Variants in MAPKAP1 observed in about 807,000 individuals in gnomAD.
The protein encoded by MAPKAP1 is target of rapamycin complex 2 subunit MAPKAP1.
Under a neutral mutation model 65.7 loss-of-function variants are expected in MAPKAP1, and 20 were observed. That is an observed-to-expected ratio of 0.30 (90% CI 0.21 to 0.44). The LOEUF (loss-of-function observed/expected upper bound fraction) is 0.44. Among genes scored for constraint, MAPKAP1 ranks in the 20% least tolerant of loss-of-function variants. The pLI is 1.00. For missense variants in MAPKAP1, 423 were observed against 648.0 expected (o/e 0.65, Z 3.77); for synonymous variants, 222 against 244.3 (o/e 0.91, Z 0.85).
chr9:125,625,257 A>T (rs973039636), intron 4 of MAPKAP1, among the ~76,000 whole-genome samples: 26,627 of 62,536 alleles, frequency 0.43, 2,009 homozygotes, highest in East Asian at 0.47. Context: ...TAAATAAATA[A>T]AAAAAAAAAA....
chr9:125,461,807 T>C (rs1853507254), intron 10 of MAPKAP1, among the ~76,000 whole-genome samples: 1 of 152,312 alleles, frequency 6.6e-6, no homozygotes, highest in Admixed American at 6.5e-5. Context: ...CTGGAGTGCC[T>C]GGATCTCCCG....
intron 9 of MAPKAP1, among the ~76,000 whole-genome samples, chr9:125,469,282 T>C (rs979255884): frequency 2.0e-5 from 3 of 152,046 alleles, no homozygotes; most frequent in African/African-American, 7.2e-5. Flanking sequence ...ACTCAAATTT[T>C]TGAACAAAAT....
chr9:125,542,967 A>C, intron 7 of MAPKAP1, 92 bp downstream of exon 7: 1 of 892,040 alleles, frequency 1.1e-6, no homozygotes, highest in African/African-American at 1.6e-5. Context: ...ATCTGAAAGA[A>C]TCTAGCCAGC....
chr9:125,702,430 A>G (rs1320646959), intron 1 of MAPKAP1, among the ~76,000 whole-genome samples: 1 of 152,162 alleles, frequency 6.6e-6, no homozygotes, highest in Non-Finnish European at 1.5e-5. Flanking sequence ...GCTACTCAGG[A>G]GGCTGAGGCA....
intron 4 of MAPKAP1, among the ~76,000 whole-genome samples, chr9:125,623,142 ACGACAAC>A (rs1290514589): frequency 6.9e-6 from 1 of 144,334 alleles, no homozygotes; most frequent in Admixed American, 6.9e-5. Flanking sequence ...ATCTCGGCTC[ACGACAAC>A]CTACACCTCC....
chr9:125,496,257 T>C (rs1854941961), intron 8 of MAPKAP1, among the ~76,000 whole-genome samples: 1 of 152,218 alleles, frequency 6.6e-6, no homozygotes. Context: ...TTCATTTAAA[T>C]TCTAATAGCG....
chr9:125,479,305 C>T (rs1198313623), intron 9 of MAPKAP1, among the ~76,000 whole-genome samples: 1 of 152,198 alleles, frequency 6.6e-6, no homozygotes, highest in Non-Finnish European at 1.5e-5. Flanking sequence ...GGAGGCCGGG[C>T]ACGGTGGCTC....
intron 1 of MAPKAP1, among the ~76,000 whole-genome samples, chr9:125,700,583 T>G (rs188571626): frequency 8.5e-4 from 130 of 152,364 alleles, no homozygotes; most frequent in Non-Finnish European, 1.5e-3. Flanking sequence ...TTTTCTCACT[T>G]TCAATTACAT....
intron 8 of MAPKAP1, among the ~76,000 whole-genome samples, chr9:125,489,004 G>A (rs1176649988): frequency 1.3e-5 from 2 of 152,192 alleles, no homozygotes; most frequent in Non-Finnish European, 2.9e-5. Context: ...CCAGAAAGGA[G>A]TGAACCCAAC....
chr9:125,480,975 GAAAAAAAAAAAAAA>G (rs536367888), intron 9 of MAPKAP1, among the ~76,000 whole-genome samples: 1 of 108,720 alleles, frequency 9.2e-6, no homozygotes, highest in East Asian at 4.1e-4. Context: ...CCGTTTCGGG[GAAAAAAAAAAAAAA>G]AAAAAAAAAA....
intron 8 of MAPKAP1, among the ~76,000 whole-genome samples, chr9:125,497,263 T>C (rs1009644397): frequency 3.3e-5 from 5 of 152,212 alleles, no homozygotes; most frequent in Non-Finnish European, 7.3e-5. Flanking sequence ...AATGAGAATT[T>C]CATTAAGTGC....
chr9:125,562,245 C>T (rs1830913201), intron 5 of MAPKAP1, among the ~76,000 whole-genome samples: 1 of 152,196 alleles, frequency 6.6e-6, no homozygotes. Flanking sequence ...ATATCACAGG[C>T]TAAGATTTGA....
chr9:125,533,057 C>T (rs1343261173), intron 7 of MAPKAP1, among the ~76,000 whole-genome samples: 1 of 152,086 alleles, frequency 6.6e-6, no homozygotes, highest in South Asian at 2.1e-4. Context: ...GGCTTGGATG[C>T]GTGATCCATT....
chr9:125,656,458 C>G (rs1834034433), intron 4 of MAPKAP1, among the ~76,000 whole-genome samples: 1 of 152,144 alleles, frequency 6.6e-6, no homozygotes, highest in Non-Finnish European at 1.5e-5. Context: ...ATTACTTATG[C>G]ATTTTGTTTC....
intron 1 of MAPKAP1, among the ~76,000 whole-genome samples, chr9:125,684,362 T>C (rs796196282): frequency 1.1e-4 from 16 of 152,174 alleles, no homozygotes; most frequent in African/African-American, 2.9e-4. Flanking sequence ...GTGACGCTAG[T>C]AAACATGGTA....
At chr9:125,618,891 G>A (rs181046129) in intron 4 of MAPKAP1, among the ~76,000 whole-genome samples, 1 of 152,328 alleles carries the variant, frequency 6.6e-6, no homozygotes, top group African/African-American at 2.4e-5. Context: ...CAGCACTTCA[G>A]GAGGCCAAGG....
At chr9:125,578,431 A>G (rs1831516213) in intron 5 of MAPKAP1, among the ~76,000 whole-genome samples, 1 of 133,142 alleles carries the variant, frequency 7.5e-6, no homozygotes. Context: ...GATCAATAAA[A>G]AATAAATAAA....
intron 10 of MAPKAP1, among the ~76,000 whole-genome samples, chr9:125,452,719 C>G (rs577746124): frequency 6.6e-6 from 1 of 152,114 alleles, no homozygotes; most frequent in South Asian, 2.1e-4. Context: ...TGGAGAAACC[C>G]TGTCTCTACT....
intron 4 of MAPKAP1, among the ~76,000 whole-genome samples, chr9:125,621,076 A>G (rs917060343): frequency 1.3e-5 from 2 of 152,134 alleles, no homozygotes; most frequent in Non-Finnish European, 2.9e-5. Flanking sequence ...GTTTGGGACC[A>G]GCCTGGGCAA....
Sources: allele counts gnomAD v4.1 joint callset (sites outside exome capture counted in the v4.1 genomes callset), GRCh38; gene constraint gnomAD v4.1.1; transcripts MANE v1.5; gene names NCBI Gene and HGNC (gene_info 2026-07-23, HGNC 2026-07-21).